The following SLC60A1 variants were observed in gnomAD, a reference collection of about 807,000 sequenced individuals.
The protein encoded by SLC60A1 is major facilitator superfamily domain containing 4.
chr1:205,596,659 G>T, the SLC60A1 span, among the ~76,000 whole-genome samples: 1 of 151,272 alleles, frequency 6.6e-6, no homozygotes, highest in Non-Finnish European at 1.5e-5. Context: ...GCCTGGAGGT[G>T]AGAGTTACGG....
the SLC60A1 span, among the ~76,000 whole-genome samples, chr1:205,596,119 A>G: frequency 5.9e-5 from 9 of 152,308 alleles, no homozygotes; most frequent in African/African-American, 2.2e-4. Flanking sequence ...CAGAGTAGAC[A>G]ATGATGACAA....
chr1:205,597,849 C>T, the SLC60A1 span: 44 of 1,613,570 alleles, frequency 2.7e-5, no homozygotes, highest in African/African-American at 2.0e-4. Flanking sequence ...CTGGTTGGTT[C>T]GGTATGTGGG....
the SLC60A1 span, among the ~76,000 whole-genome samples, chr1:205,592,888 TGGCATAGGAAA>T: frequency 6.6e-6 from 1 of 152,232 alleles, no homozygotes; most frequent in Non-Finnish European, 1.5e-5. Flanking sequence ...GGAGAAGTTA[TGGCATAGGAAA>T]GGCATTTTGT....
the SLC60A1 span, among the ~76,000 whole-genome samples, chr1:205,584,293 C>CTCA: frequency 1.3e-5 from 2 of 148,844 alleles, no homozygotes; most frequent in African/African-American, 2.5e-5. Context: ...GCAATCTCGG[C>CTCA]TCATTGCAAC....
At chr1:205,597,430 C>T in the SLC60A1 span, 1 of 148,030 alleles carries the variant, frequency 6.8e-6, no homozygotes, top group Non-Finnish European at 1.5e-5. Context: ...ACTCTGTCAC[C>T]CAGGCTGGAG....
the SLC60A1 span, among the ~76,000 whole-genome samples, chr1:205,582,203 G>A: frequency 6.6e-6 from 1 of 152,200 alleles, no homozygotes; most frequent in Non-Finnish European, 1.5e-5. Flanking sequence ...AGTGTCAGTA[G>A]AACCTCTAGG....
the SLC60A1 span, chr1:205,585,031 T>G: frequency 1.3e-6 from 2 of 1,531,690 alleles, no homozygotes; most frequent in Non-Finnish European, 1.8e-6. This position sits in a 1 kb window ranked among gnomAD's most constrained non-coding sequence, Gnocchi z 4.2. Context: ...TGGGGGACCC[T>G]TCACCCCCAG....
chr1:205,597,644 C>T, the SLC60A1 span: 2 of 806,932 alleles, frequency 2.5e-6, 1 homozygote, highest in South Asian at 3.1e-5. Flanking sequence ...GATCCTCCCA[C>T]TTCTGACTCC....
chr1:205,574,040 G>A, the SLC60A1 span, among the ~76,000 whole-genome samples: 1 of 152,068 alleles, frequency 6.6e-6, no homozygotes, highest in Non-Finnish European at 1.5e-5. Context: ...TGCTCTAAAG[G>A]TAGATTGTAG....
the SLC60A1 span, among the ~76,000 whole-genome samples, chr1:205,577,542 A>G: frequency 6.6e-6 from 1 of 152,320 alleles, no homozygotes; most frequent in East Asian, 1.9e-4. This position sits in a 1 kb window ranked among gnomAD's most constrained non-coding sequence, Gnocchi z 5.2. Flanking sequence ...CGCATGTTCT[A>G]GAGACCGCAG....
At chr1:205,576,059 C>T in the SLC60A1 span, among the ~76,000 whole-genome samples, 1 of 152,174 alleles carries the variant, frequency 6.6e-6, no homozygotes, top group Admixed American at 6.5e-5. Flanking sequence ...TCATTGCTGC[C>T]ACCTTAGCTG....
At chr1:205,581,345 G>A in the SLC60A1 span, among the ~76,000 whole-genome samples, 1 of 152,218 alleles carries the variant, frequency 6.6e-6, no homozygotes, top group Non-Finnish European at 1.5e-5. This position sits in a 1 kb window ranked among gnomAD's most constrained non-coding sequence, Gnocchi z 4.2. Context: ...TGGAGGCTAG[G>A]AGACAGACAA....
At chr1:205,578,254 T>C in the SLC60A1 span, among the ~76,000 whole-genome samples, 2 of 152,206 alleles carry the variant, frequency 1.3e-5, no homozygotes, top group African/African-American at 4.8e-5. Context: ...ACTCTCTGGC[T>C]ATCCCTGAAG....
chr1:205,580,726 T>C, the SLC60A1 span: 7 of 1,613,938 alleles, frequency 4.3e-6, no homozygotes, highest in Middle Eastern at 1.6e-4. The surrounding 1 kb of genome is among the most constrained non-coding windows in gnomAD (Gnocchi z 5.0). Context: ...CTTTCCTGTC[T>C]GAGGCCAACT....
the SLC60A1 span, chr1:205,598,005 C>G: frequency 2.2e-4 from 156 of 705,446 alleles, no homozygotes; most frequent in Non-Finnish European, 3.6e-4. Flanking sequence ...TACCTGTTTC[C>G]GTTTCCAAGC....
chr1:205,591,501 AAG>A, the SLC60A1 span, among the ~76,000 whole-genome samples: 28 of 133,164 alleles, frequency 2.1e-4, no homozygotes, highest in South Asian at 6.4e-3. Flanking sequence ...AAAAAAAAAA[AAG>A]GAAAGAAAAG....
At chr1:205,583,498 C>T in the SLC60A1 span, among the ~76,000 whole-genome samples, 1 of 152,158 alleles carries the variant, frequency 6.6e-6, no homozygotes, top group African/African-American at 2.4e-5. Context: ...CTAGTTTACC[C>T]CTCAGATCTC....
At chr1:205,592,296 CG>C in the SLC60A1 span, 1 of 1,603,858 alleles carries the variant, frequency 6.2e-7, no homozygotes, top group Non-Finnish European at 8.5e-7. Context: ...AGGTGAGGGC[CG>C]GGCCCGAGCC....
the SLC60A1 span, among the ~76,000 whole-genome samples, chr1:205,588,296 C>A: frequency 1.3e-5 from 2 of 151,692 alleles, no homozygotes; most frequent in African/African-American, 4.8e-5. Context: ...ATGGTGATAC[C>A]CCATCTCTAC....
Sources: allele counts gnomAD v4.1 joint callset (sites outside exome capture counted in the v4.1 genomes callset), GRCh38; gene constraint gnomAD v4.1.1; non-coding constraint Gnocchi (gnomAD v3.1); transcripts MANE v1.5; gene names NCBI Gene and HGNC (gene_info 2026-07-23, HGNC 2026-07-21).